The following DGKH variants were observed in gnomAD, a reference collection of about 807,000 sequenced individuals.
DGKH encodes the protein diacylglycerol kinase eta.
A neutral mutation model predicts 159.3 loss-of-function variants in DGKH; 90 were observed. That is an observed-to-expected ratio of 0.57 (90% CI 0.48 to 0.67). The LOEUF (loss-of-function observed/expected upper bound fraction) is 0.67, where lower values mean the gene tolerates loss of function less well. Ranked by LOEUF, DGKH falls within the 30% of genes least tolerant of loss-of-function variation. The pLI is 0.00. For missense variants in DGKH, 1,181 were observed against 1,506.1 expected, an observed-to-expected ratio of 0.78 and a Z score of 3.57; for synonymous variants, 536 against 553.8, an observed-to-expected ratio of 0.97 and a Z score of 0.45.
chr13:42,218,805 A>G (rs1957881143), intron 26 of DGKH, among the ~76,000 whole-genome samples: 1 of 152,174 alleles, frequency 6.6e-6, no homozygotes, highest in Non-Finnish European at 1.5e-5. Flanking sequence ...TATCATGCCC[A>G]GCCTGGTGAC....
intron 1 of DGKH, among the ~76,000 whole-genome samples, chr13:42,092,156 G>A (rs1356259029): frequency 1.3e-5 from 2 of 152,206 alleles, no homozygotes; most frequent in Non-Finnish European, 2.9e-5. Context: ...TAGTAAAGTA[G>A]TGCAGCCATT....
chr13:42,178,346 G>A, intron 13 of DGKH, 126 bp downstream of exon 13: 1 of 655,888 alleles, frequency 1.5e-6, no homozygotes, highest in Admixed American at 3.1e-5. Flanking sequence ...TATAAAATTA[G>A]ATGTACTAAA....
intron 1 of DGKH, among the ~76,000 whole-genome samples, chr13:42,103,956 A>G (rs1175180868): frequency 6.6e-6 from 1 of 152,188 alleles, no homozygotes; most frequent in African/African-American, 2.4e-5. Flanking sequence ...GAACATATTA[A>G]TAGTATATAT....
chr13:42,154,876 T>TA (rs72171903), intron 3 of DGKH, among the ~76,000 whole-genome samples: 17,374 of 145,782 alleles, frequency 0.12, 1,495 homozygotes, highest in East Asian at 0.42. Flanking sequence ...CTGCCTCTAC[T>TA]AAAAAAAAAA....
At chr13:42,215,860 T>A (rs1957777501) in intron 26 of DGKH, among the ~76,000 whole-genome samples, 193 bp downstream of exon 26, 1 of 152,250 alleles carries the variant, frequency 6.6e-6, no homozygotes, top group Non-Finnish European at 1.5e-5. Flanking sequence ...TGATTCAGGC[T>A]AACAGGAGTG....
intron 29 of DGKH, among the ~76,000 whole-genome samples, chr13:42,252,127 C>CT (rs558846035): frequency 2.0e-3 from 297 of 145,690 alleles, no homozygotes; most frequent in Non-Finnish European, 1.7e-3. Flanking sequence ...AGAGCTTTTC[C>CT]TTTTTTTTTT....
chr13:42,200,046 A>G, intron 20 of DGKH, 137 bp downstream of exon 20: 1 of 685,234 alleles, frequency 1.5e-6, no homozygotes. Context: ...GTGATTATCA[A>G]CTTTGTACTA....
At position 42,240,251 on chromosome 13, in the gene DGKH, T is replaced by C. The variant is rs1457620162; in HGVS notation, c.*11063T>C. 2 of 152,250 alleles carry C rather than the reference T, an allele frequency of 1.3e-5. No homozygotes were observed. The highest frequency in any genetic ancestry group is 4.8e-5 in the African/African-American group (2 of 41,464). The allele number at this position is 152,250 out of a possible 1,614,324, so 9.4% of individuals were successfully genotyped here. ...CACATGAAAGTCCACATGAGGTAAG[T>C]GTGCATTCATGAGCATGTGTGCACT... is the stretch of plus-strand genomic sequence containing the variant. On this transcript the variant is annotated 3_prime_UTR_variant, in exon 30 of 30. Coordinates refer to ENST00000337343, the MANE Select transcript of DGKH (RefSeq NM_178009.5).
In DGKH at chr13:42,240,105, T is replaced by G. The variant is rs1958488890; in HGVS notation, c.*10917T>G. On this transcript the variant is annotated 3_prime_UTR_variant, in exon 30 of 30. Transcript: ENST00000337343. ...CTTCCACTGAACTTCTCTCTCCCCC[T>G]TTGTATTCTCAGTGTCTAGCTACAC... 6.6e-6 allele frequency: 1 copy of G among 152,214 alleles called. No individual in the cohort carries two copies. The highest frequency in any genetic ancestry group is 6.5e-5 in the Admixed American group (1 of 15,284). The allele number at this position is 152,214 out of a possible 1,614,324, so 9.4% of individuals were successfully genotyped here. A position where few individuals can be genotyped will look rare whatever the true frequency, so the allele number is the denominator to read the frequency against.
chr13:42,128,640 C>A (rs1209829550), intron 2 of DGKH, among the ~76,000 whole-genome samples: 1 of 151,628 alleles, frequency 6.6e-6, no homozygotes, highest in East Asian at 1.9e-4. Flanking sequence ...CCATGATTCA[C>A]GAGAGAGAGT....
At chr13:42,135,372 G>T (rs1450779442) in intron 3 of DGKH, among the ~76,000 whole-genome samples, 1 of 151,208 alleles carries the variant, frequency 6.6e-6, no homozygotes, top group Non-Finnish European at 1.5e-5. Flanking sequence ...CGTGGTGCAT[G>T]CCTGTAGTCA....
rs138970475 is a variant in DGKH at position 42,066,977 on chromosome 13, TA to T, written c.192+18013del. ...TATATGTTTTATTAAGAATATAACA[TA>T]TAACATGTGATGTTATATATGTCAT... On this transcript the variant is annotated intron_variant, in intron 1 of 29. Coordinates refer to ENST00000337343, the MANE Select transcript of DGKH (RefSeq NM_178009.5). 9.5e-3 allele frequency among the ~76,000 whole-genome samples: 1,443 copies of T among 152,206 alleles called. 23 individuals are homozygous for T. The highest frequency in any genetic ancestry group is 0.056 in the South Asian group (272 of 4,822).
chr13:42,156,265 AGG>A (rs886151606), intron 5 of DGKH, among the ~76,000 whole-genome samples: 1 of 152,202 alleles, frequency 6.6e-6, no homozygotes, highest in Admixed American at 6.6e-5. Context: ...TGTTTCGAGA[AGG>A]GGTCTCACTC....
At chr13:42,121,119 C>T (rs1955063083) in intron 1 of DGKH, among the ~76,000 whole-genome samples, 1 of 144,984 alleles carries the variant, frequency 6.9e-6, no homozygotes, top group South Asian at 2.2e-4. Context: ...CACACGCACA[C>T]AAGACATTCC....
chr13:42,083,972 T>A (rs1954257541), intron 1 of DGKH, among the ~76,000 whole-genome samples: 1 of 152,098 alleles, frequency 6.6e-6, no homozygotes, highest in Non-Finnish European at 1.5e-5. Flanking sequence ...GGAATGCAGG[T>A]AGAGACAGCG....
chr13:42,213,653 A>C (rs1463201529), intron 24 of DGKH, among the ~76,000 whole-genome samples: 1 of 151,608 alleles, frequency 6.6e-6, no homozygotes, highest in Non-Finnish European at 1.5e-5. Context: ...CTTTTTCTTT[A>C]CTCTTGGTTC....
chr13:42,142,053 A>G (rs1955576632), intron 3 of DGKH, among the ~76,000 whole-genome samples: 1 of 151,480 alleles, frequency 6.6e-6, no homozygotes, highest in Non-Finnish European at 1.5e-5. Context: ...TCTTTAATCC[A>G]TCTTGAATTA....
rs559061258 is a variant in DGKH at position 42,114,463 on chromosome 13, C to T, written c.193-13000C>T. Among the ~76,000 whole-genome samples, 44 of 130,918 alleles carry T rather than the reference C, an allele frequency of 3.4e-4. 1 individual carries two copies. The highest frequency in any genetic ancestry group is 4.1e-3 in the Middle Eastern group (1 of 244). The allele number at this position is 130,918 out of a possible 152,430, so 85.9% of individuals were successfully genotyped here. A position where few individuals can be genotyped will look rare whatever the true frequency, so the allele number is the denominator to read the frequency against. ...TATCTGTGCCAGGAACTCTGGTAAG[C>T]GCCAGGGCTCCAGTGATGACTGAGG... On this transcript the variant is annotated intron_variant, in intron 1 of 29. Coordinates refer to ENST00000337343, the MANE Select transcript of DGKH (RefSeq NM_178009.5).
At chr13:42,181,758 A>G in intron 13 of DGKH, 1 of 763,926 alleles carries the variant, frequency 1.3e-6, no homozygotes, top group South Asian at 1.5e-5. Context: ...CATCTGGACC[A>G]TCAGACCTGG....
Sources: allele counts gnomAD v4.1 joint callset (sites outside exome capture counted in the v4.1 genomes callset), GRCh38; gene constraint gnomAD v4.1.1; transcripts MANE v1.5; gene names NCBI Gene and HGNC (gene_info 2026-07-23, HGNC 2026-07-21).